Variants in CIROZ observed in about 807,000 individuals in gnomAD.
CIROZ encodes the protein ciliated left-right organizer ZP-N domains-containing protein.
chr1:10,958,184 C>T, the CIROZ span, among the ~76,000 whole-genome samples: 16 of 152,150 alleles, frequency 1.1e-4, no homozygotes, highest in African/African-American at 2.4e-5. Context: ...GGAAGGGTCG[C>T]CAGCTCCCAT....
chr1:10,947,638 C>T, the CIROZ span: 1 of 1,446,302 alleles, frequency 6.9e-7, no homozygotes, highest in Non-Finnish European at 9.1e-7. Context: ...GCACCCAGGA[C>T]TCACCCTGGA....
the CIROZ span, chr1:10,970,233 T>G: frequency 1.3e-6 from 1 of 757,866 alleles, no homozygotes; most frequent in Non-Finnish European, 2.1e-6. Context: ...AAAGGGCATG[T>G]AGGGGTCATA....
At chr1:10,949,587 A>T in the CIROZ span, 1 of 1,572,004 alleles carries the variant, frequency 6.4e-7, no homozygotes, top group Non-Finnish European at 8.6e-7. Context: ...GACTCTTTGG[A>T]GGAAACCATG....
chr1:10,962,824 A>G, the CIROZ span, among the ~76,000 whole-genome samples: 24 of 152,224 alleles, frequency 1.6e-4, no homozygotes, highest in Non-Finnish European at 2.6e-4. Flanking sequence ...TGAGCCATAT[A>G]TAAGTGTTTG....
the CIROZ span, chr1:10,970,072 T>C: frequency 1.7e-5 from 26 of 1,530,390 alleles, no homozygotes; most frequent in East Asian, 4.0e-4. Context: ...ACTGTGTCTG[T>C]CCAACAAGAA....
the CIROZ span, chr1:10,958,645 T>TGA: frequency 6.4e-7 from 1 of 1,574,160 alleles, no homozygotes; most frequent in East Asian, 2.2e-5. Context: ...CAGAGCATCC[T>TGA]GAGCACCCAC....
the CIROZ span, among the ~76,000 whole-genome samples, chr1:10,960,424 A>C: frequency 1.3e-5 from 2 of 151,942 alleles, no homozygotes; most frequent in Non-Finnish European, 2.9e-5. This position sits in a 1 kb window ranked among gnomAD's most constrained non-coding sequence, Gnocchi z 4.6. Flanking sequence ...AAAAAAAAAG[A>C]AAGGAAGGGA....
chr1:10,963,152 G>A, the CIROZ span, among the ~76,000 whole-genome samples: 1 of 152,090 alleles, frequency 6.6e-6, no homozygotes, highest in African/African-American at 2.4e-5. Context: ...ACTTTGGGAG[G>A]CTGGGGCAGG....
chr1:10,960,664 G>A, the CIROZ span, among the ~76,000 whole-genome samples: 9 of 152,338 alleles, frequency 5.9e-5, no homozygotes, highest in Admixed American at 2.0e-4. The surrounding 1 kb of genome is among the most constrained non-coding windows in gnomAD (Gnocchi z 4.6). Context: ...AAGCGAGCTC[G>A]CAGATCGCTG....
At chr1:10,957,979 A>G in the CIROZ span, among the ~76,000 whole-genome samples, 1 of 152,216 alleles carries the variant, frequency 6.6e-6, no homozygotes, top group African/African-American at 2.4e-5. Context: ...TGCCTGGCAC[A>G]CAGTAGGTGT....
At chr1:10,981,890 C>A in the CIROZ span, 2 of 1,287,850 alleles carry the variant, frequency 1.6e-6, no homozygotes, top group South Asian at 1.4e-5. Flanking sequence ...ACCCATTTGG[C>A]CCCCTTCCCT....
chr1:10,976,407 C>T, the CIROZ span, among the ~76,000 whole-genome samples: 3 of 151,490 alleles, frequency 2.0e-5, no homozygotes, highest in African/African-American at 7.3e-5. Flanking sequence ...GCGATCTAAG[C>T]TCACTGCAAC....
the CIROZ span, chr1:10,970,134 G>GAGGA: frequency 9.8e-5 from 139 of 1,414,042 alleles, no homozygotes; most frequent in East Asian, 6.6e-4. Flanking sequence ...GGAAGGGAGG[G>GAGGA]AGGAAGGAAG....
the CIROZ span, chr1:10,958,648 G>A: frequency 6.3e-7 from 1 of 1,577,148 alleles, no homozygotes; most frequent in East Asian, 2.2e-5. Context: ...AGCATCCTGA[G>A]CACCCACCAG....
chr1:10,975,765 A>C, the CIROZ span, among the ~76,000 whole-genome samples: 60 of 152,050 alleles, frequency 3.9e-4, no homozygotes, highest in African/African-American at 1.4e-3. Flanking sequence ...ACTCATTGCT[A>C]TGGGACCTTA....
the CIROZ span, among the ~76,000 whole-genome samples, chr1:10,975,893 G>GT: frequency 0.4 from 60,087 of 151,854 alleles, 16,505 homozygotes; most frequent in African/African-American, 0.79. Flanking sequence ...CCCTGTGCTG[G>GT]TTTTAATTAT....
chr1:10,949,410 G>T, the CIROZ span: 1,816 of 607,634 alleles, frequency 3.0e-3, 25 homozygotes, highest in South Asian at 0.02. Flanking sequence ...GATGAGGGGG[G>T]CTGCCCTCAG....
At chr1:10,950,040 T>TTC in the CIROZ span, among the ~76,000 whole-genome samples, 1 of 145,214 alleles carries the variant, frequency 6.9e-6, no homozygotes, top group Non-Finnish European at 1.5e-5. Context: ...CTTTTTTTTT[T>TTC]TTTTTTTTTT....
the CIROZ span, among the ~76,000 whole-genome samples, chr1:10,973,649 A>C: frequency 6.6e-6 from 1 of 151,902 alleles, no homozygotes; most frequent in African/African-American, 2.4e-5. Flanking sequence ...GGGGTCGAAC[A>C]CTCTATGGAG....
Sources: allele counts gnomAD v4.1 joint callset (sites outside exome capture counted in the v4.1 genomes callset), GRCh38; gene constraint gnomAD v4.1.1; non-coding constraint Gnocchi (gnomAD v3.1); transcripts MANE v1.5; gene names NCBI Gene and HGNC (gene_info 2026-07-23, HGNC 2026-07-21).